Variants in FARP1 observed in about 807,000 individuals in gnomAD.
FARP1 encodes FERM, ARH/RhoGEF and pleckstrin domain protein 1.
FARP1 carries 52 observed loss-of-function variants against 128.8 expected under a neutral mutation model. The ratio of observed to expected loss-of-function variants is 0.40; its 90% confidence interval spans 0.32 to 0.51. FARP1 has a LOEUF of 0.51. FARP1 is among the 20% of genes least tolerant of loss of function. The pLI is 0.45. For synonymous variants in FARP1, 580 were observed against 551.8 expected (o/e 1.05, Z -0.72); for missense variants, 1,333 against 1,367.9 (o/e 0.97, Z 0.40).
intron 1 of FARP1, among the ~76,000 whole-genome samples, chr13:98,180,911 T>G (rs1393689740): frequency 1.3e-5 from 2 of 152,222 alleles, no homozygotes; most frequent in Non-Finnish European, 2.9e-5. Context: ...ATCAATTGTA[T>G]GAGTCTATGA....
chr13:98,386,836 A>G lies in FARP1; in HGVS notation c.759+1022A>G, dbSNP rs1281338320. On this transcript the variant is annotated intron_variant, in intron 8 of 26. Transcript: ENST00000319562. ...AAAGAGTTCCAGTGATTCTCTATTCATGCACCAGAAGTTTATGACAGCATA... is the reference window on the plus strand; with the variant it reads ...AAAGAGTTCCAGTGATTCTCTATTCGTGCACCAGAAGTTTATGACAGCATA... Among the ~76,000 whole-genome samples the G allele has an allele frequency of 4.6e-5, 7 of 152,162 alleles. No individual in the cohort carries two copies. The South Asian group carries it at 1.0e-3, about 23-fold the overall frequency.
In FARP1 at chr13:98,417,471, A is replaced by G. The variant is rs1365223535; in HGVS notation, c.1826+5437A>G. Among the ~76,000 whole-genome samples, 24 of 135,730 alleles carry G rather than the reference A, an allele frequency of 1.8e-4. 1 individual carries two copies. Among genetic ancestry groups the G allele is most frequent in the African/African-American group, 7.5e-4 (22 of 29,148 alleles). 89.0% of individuals were successfully genotyped at this position (135,730 alleles called of 152,430 possible). A position where few individuals can be genotyped will look rare whatever the true frequency, so the allele number is the denominator to read the frequency against. On this transcript the variant is annotated intron_variant, in intron 16 of 26. Transcript: ENST00000319562. ...CAGAGGTTTGAAAAAAAAAAAAAAA[A>G]AAAAAAAAAAAAAGAACACATGGGG... is the stretch of plus-strand genomic sequence containing the variant.
At chr13:98,278,039 C>T (rs1884745674) in intron 2 of FARP1, among the ~76,000 whole-genome samples, 1 of 152,238 alleles carries the variant, frequency 6.6e-6, no homozygotes, top group Admixed American at 6.5e-5. Context: ...ATCTGGTGAT[C>T]TGTTATTTAA....
rs868428607 is a variant in FARP1, at chr13:98,444,620, C to T, written c.2797-1478C>T. The stretch of plus-strand genomic sequence containing the variant: ...GGAGGCTCGGCCCGGCCGTGGGGAG[C>T]GAGGAAGGGCCGCTGGATGTGCCTA... On this transcript the variant is annotated intron_variant, in intron 24 of 26. Transcript: ENST00000319562. Among the ~76,000 whole-genome samples the T allele has an allele frequency of 2.6e-5, 4 of 152,052 alleles. No homozygotes were observed. In the South Asian group the frequency reaches 8.3e-4, roughly 32 times the overall value.
chr13:98,251,640 G>A (rs1169504433), intron 2 of FARP1, among the ~76,000 whole-genome samples: 2 of 149,252 alleles, frequency 1.3e-5, no homozygotes, highest in East Asian at 2.0e-4. Flanking sequence ...CTGAGATCAC[G>A]CCATTGCACT....
chr13:98,385,714 G>C lies in FARP1; in HGVS notation c.659G>C (p.Arg220Pro). 16 of 1,614,168 alleles carry C rather than the reference G, an allele frequency of 9.9e-6. No individual in the cohort carries two copies. Among genetic ancestry groups the C allele is most frequent in the Non-Finnish European group, 1.4e-5 (16 of 1,180,030 alleles). Residue 220 changes from arginine (R) to proline (P), a missense_variant, in exon 8 of 27, where the codon CGT becomes CCT. Physicochemically the swap from Arg to Pro is moderately radical, Grantham distance 103. This residue lies in a region of FARP1 where 324 missense variants were observed against 398.1 expected (regional missense o/e 0.81). Transcript: ENST00000319562. ...ESDFQLLEIA[R>P]RLEMYGIRLH... is the part of the protein sequence containing the mutation. The stretch of plus-strand genomic sequence containing the variant: ...GATTTCCAGCTCCTAGAGATTGCCC[G>C]TCGGCTAGAGATGTATGGAATCCGG...
chr13:98,376,759 GTTTTTTTTTT>G (rs34686053), intron 5 of FARP1, among the ~76,000 whole-genome samples: 1 of 103,452 alleles, frequency 9.7e-6, no homozygotes, highest in Non-Finnish European at 1.9e-5. Context: ...GGTTTTTTGT[GTTTTTTTTTT>G]TTTTTTTTTT....
intron 2 of FARP1, chr13:98,332,660 A>G (rs529245010): frequency 6.6e-6 from 1 of 152,352 alleles, no homozygotes; most frequent in South Asian, 2.1e-4. Context: ...TCTCCTTCTA[A>G]GGGGTAAGAA....
At chr13:98,356,100 A>T (rs565973403) in intron 3 of FARP1, among the ~76,000 whole-genome samples, 93 of 152,322 alleles carry the variant, frequency 6.1e-4, no homozygotes, top group African/African-American at 2.1e-3. Flanking sequence ...TATTCAATAT[A>T]TTTCAATGAG....
chr13:98,390,854 A>G lies in FARP1; in HGVS notation c.1062A>G (p.Gly354=). ...AGGTTCTCGACTATGTTAAAGAAGG[A>G]GGACATAAGAAGGTGCAGTTTGAAA... ...QKQVLDYVKE[G]GHKKVQFERK... Residue 354 remains glycine, a synonymous_variant, in exon 11 of 27, where the codon GGA becomes GGG. Coordinates refer to ENST00000319562, the MANE Select transcript of FARP1 (RefSeq NM_005766.4). 10 of 1,613,650 alleles carry G rather than the reference A, an allele frequency of 6.2e-6. No individual in the cohort carries two copies. Among genetic ancestry groups the G allele is most frequent in the Non-Finnish European group, 8.5e-6 (10 of 1,179,610 alleles).
At chr13:98,405,100 A>G (rs1051212808) in intron 13 of FARP1, 2 of 152,188 alleles carry the variant, frequency 1.3e-5, no homozygotes, top group African/African-American at 2.4e-5. Flanking sequence ...ATACCGGTAC[A>G]TGGTTAACAG....
In FARP1 at chr13:98,176,729, C is replaced by T. The variant is rs746085348; in HGVS notation, c.-24+33237C>T. ...CGTATGGGGCCCTTCCTCGCCATCC[C>T]CGAGGAGGAGTTGCCCATGGACGTG... On this transcript the variant is annotated intron_variant, in intron 1 of 26. Coordinates refer to ENST00000319562, the MANE Select transcript of FARP1 (RefSeq NM_005766.4). This position sits in a 1 kb window ranked among gnomAD's most constrained non-coding sequence, Gnocchi z 6.2. The T allele has an allele frequency of 3.7e-6, 6 of 1,614,156 alleles. No homozygotes were observed. The African/African-American group carries it at 5.3e-5, about 14-fold the overall frequency.
intron 24 of FARP1, among the ~76,000 whole-genome samples, chr13:98,444,533 A>G (rs1892698766): frequency 6.6e-6 from 1 of 151,946 alleles, no homozygotes; most frequent in South Asian, 2.1e-4. Context: ...AGGGCAGGAG[A>G]CTCATGGCGC....
At position 98,276,153 on chromosome 13, in the gene FARP1, G is replaced by A. The variant is rs143268211; in HGVS notation, c.171+62740G>A. Among the ~76,000 whole-genome samples the A allele has an allele frequency of 6.6e-5, 10 of 152,310 alleles. No individual in the cohort carries two copies. In the East Asian group the frequency reaches 1.9e-3, roughly 29 times the overall value. On this transcript the variant is annotated intron_variant, in intron 2 of 26. Coordinates refer to ENST00000319562, the MANE Select transcript of FARP1 (RefSeq NM_005766.4). ...GAGGGCTCATGGCCTGTCCCCAGAGGAATTAAGCATAGCTGAAGGCTAGCC... is the reference window on the plus strand; with the variant it reads ...GAGGGCTCATGGCCTGTCCCCAGAGAAATTAAGCATAGCTGAAGGCTAGCC...
At chr13:98,257,701 C>T (rs1257178782) in intron 2 of FARP1, among the ~76,000 whole-genome samples, 4 of 151,934 alleles carry the variant, frequency 2.6e-5, no homozygotes, top group African/African-American at 4.8e-5. Context: ...ATCCTGGAGG[C>T]GGAGGTTGTA....
chr13:98,422,369 G>A (rs1016914863), intron 16 of FARP1, among the ~76,000 whole-genome samples: 6 of 152,170 alleles, frequency 3.9e-5, no homozygotes, highest in African/African-American at 1.4e-4. Context: ...AATTAGCAGA[G>A]GAGCGGTGCC....
intron 2 of FARP1, among the ~76,000 whole-genome samples, chr13:98,276,610 G>A (rs1366685402): frequency 6.6e-6 from 1 of 152,142 alleles, no homozygotes; most frequent in Non-Finnish European, 1.5e-5. Flanking sequence ...TTGTTTTTAC[G>A]TTTGGATTTT....
chr13:98,407,771 C>T (rs187323957), intron 13 of FARP1, among the ~76,000 whole-genome samples: 2 of 152,288 alleles, frequency 1.3e-5, no homozygotes, highest in African/African-American at 4.8e-5. Context: ...ACTGTGTTGG[C>T]GGTGCTGCTG....
intron 2 of FARP1, among the ~76,000 whole-genome samples, chr13:98,326,139 G>T (rs146334806): frequency 6.6e-6 from 1 of 152,114 alleles, no homozygotes; most frequent in African/African-American, 2.4e-5. Flanking sequence ...TATGCAAAAG[G>T]ACAATCAGTT....
Sources: gnomAD v4.1 joint callset for allele counts (sites outside exome capture counted in the v4.1 genomes callset) on GRCh38, gnomAD v4.1.1 for gene constraint, gnomAD v4.1.1 regional missense constraint, Gnocchi (gnomAD v3.1) non-coding constraint, MANE v1.5 for transcripts, NCBI Gene and HGNC (gene_info 2026-07-23, HGNC 2026-07-21) for gene names.